Variants in STAC observed in about 807,000 individuals in gnomAD.
The protein encoded by STAC is SH3 and cysteine rich domain, also known as SH3 and cysteine-rich domain-containing protein.
A neutral mutation model predicts 48.8 loss-of-function variants in STAC; 43 were observed. That is an observed-to-expected ratio of 0.88 (90% confidence interval 0.69 to 1.14). The LOEUF is 1.14. STAC is among the 50% of genes most tolerant of loss of function. STAC has a pLI of 0.00. For synonymous variants in STAC, 193 were observed against 179.5 expected, an observed-to-expected ratio of 1.07 and a Z score of -0.60; for missense variants, 497 against 504.0, an observed-to-expected ratio of 0.99 and a Z score of 0.13.
chr3:36,515,141 T>C (rs1340578181), intron 8 of STAC, among the ~76,000 whole-genome samples: 2 of 151,984 alleles, frequency 1.3e-5, no homozygotes, highest in Non-Finnish European at 2.9e-5. Context: ...CTGGAACAGA[T>C]GGGCCTGAGC....
intron 10 of STAC, among the ~76,000 whole-genome samples, chr3:36,531,885 T>C (rs1391907532): frequency 6.6e-6 from 1 of 152,188 alleles, no homozygotes; most frequent in Admixed American, 6.5e-5. Flanking sequence ...TCATAAACCA[T>C]GAACAAATAA....
intron 1 of STAC, among the ~76,000 whole-genome samples, chr3:36,430,051 C>T (rs898000485): frequency 2.0e-5 from 3 of 152,138 alleles, no homozygotes; most frequent in African/African-American, 7.2e-5. Context: ...TAGGCCAGAA[C>T]ATTGTTCTAG....
Position 36,483,062 on chromosome 3 carries a change from C to G in STAC, c.459C>G (p.Gly153=), listed in dbSNP as rs145962483. The G allele has an allele frequency of 1.7e-4, 271 of 1,614,090 alleles. No homozygotes were observed. In the Admixed American group the frequency reaches 1.8e-3, roughly 11 times the overall value. Residue 153 remains glycine (G), a synonymous_variant, in exon 3 of 11, where the codon GGC becomes GGG. Transcript: ENST00000273183. ...KMSIHHKCTD[G]LAPQRCMGKL... ...GCATCCACCACAAGTGCACAGATGGCCTGGCACCCCAGCGGTGCATGGGCA... is the reference window on the plus strand; with the variant it reads ...GCATCCACCACAAGTGCACAGATGGGCTGGCACCCCAGCGGTGCATGGGCA...
intron 1 of STAC, among the ~76,000 whole-genome samples, chr3:36,382,094 G>T (rs1241606315): frequency 6.6e-6 from 1 of 152,120 alleles, no homozygotes; most frequent in Non-Finnish European, 1.5e-5. Context: ...CATCTCAAAT[G>T]ATCCACTCCA....
chr3:36,444,125 A>G (rs936432841), intron 2 of STAC, among the ~76,000 whole-genome samples: 1 of 152,202 alleles, frequency 6.6e-6, no homozygotes, highest in Non-Finnish European at 1.5e-5. Context: ...GGGGTAGGAT[A>G]TTCAAAATGG....
At chr3:36,500,915 ACT>A (rs543776552) in intron 6 of STAC, among the ~76,000 whole-genome samples, 289 of 151,972 alleles carry the variant, frequency 1.9e-3, no homozygotes, top group African/African-American at 6.5e-3. Flanking sequence ...ACTTAGGGAG[ACT>A]CTGTCTCTAC....
At chr3:36,518,766 A>T (rs926055846) in intron 8 of STAC, among the ~76,000 whole-genome samples, 2 of 152,228 alleles carry the variant, frequency 1.3e-5, no homozygotes, top group Admixed American at 6.5e-5. Context: ...CACTACTTTA[A>T]AAAGAGTTAA....
chr3:36,446,886 A>C (rs1696522079), intron 2 of STAC, among the ~76,000 whole-genome samples: 1 of 152,192 alleles, frequency 6.6e-6, no homozygotes. Flanking sequence ...AAGTTTCTTC[A>C]TACAGTTGCT....
intron 1 of STAC, among the ~76,000 whole-genome samples, chr3:36,436,818 T>C (rs1428490902): frequency 6.6e-6 from 1 of 152,102 alleles, no homozygotes; most frequent in Non-Finnish European, 1.5e-5. Flanking sequence ...CAAAACAAAC[T>C]ACCATCAGAG....
intron 2 of STAC, among the ~76,000 whole-genome samples, chr3:36,451,155 T>C (rs1202113410): frequency 6.6e-6 from 1 of 152,206 alleles, no homozygotes; most frequent in Non-Finnish European, 1.5e-5. Flanking sequence ...GTGTTTCACA[T>C]GTGGTTTCTG....
At chr3:36,438,678 C>T (rs1458203636) in intron 1 of STAC, among the ~76,000 whole-genome samples, 1 of 152,146 alleles carries the variant, frequency 6.6e-6, no homozygotes, top group Non-Finnish European at 1.5e-5. Flanking sequence ...AGCCACATCC[C>T]CCAGAGCAAG....
At chr3:36,493,081 C>T in intron 5 of STAC, 70 bp from the exon 6 acceptor site, 3 of 1,473,612 alleles carry the variant, frequency 2.0e-6, no homozygotes, top group Non-Finnish European at 2.8e-6. Context: ...CTCTCTTACA[C>T]CAAAGTATCT....
At chr3:36,491,509 C>T (rs1462525261) in intron 5 of STAC, among the ~76,000 whole-genome samples, 1 of 152,012 alleles carries the variant, frequency 6.6e-6, no homozygotes, top group East Asian at 1.9e-4. Context: ...TCAAAGGGAG[C>T]AGGACATGAG....
chr3:36,503,082 TTC>T (rs1244726259), intron 6 of STAC, among the ~76,000 whole-genome samples: 1 of 152,216 alleles, frequency 6.6e-6, no homozygotes, highest in African/African-American at 2.4e-5. Flanking sequence ...TTATAGAGCT[TTC>T]TGTGGTGATC....
At chr3:36,423,291 A>G (rs56282352) in intron 1 of STAC, among the ~76,000 whole-genome samples, 3,529 of 152,178 alleles carry the variant, frequency 0.023, 60 homozygotes, top group East Asian at 0.026. Flanking sequence ...TTAGAAACAT[A>G]TAATCTAACC....
chr3:36,475,348 G>T (rs1466958435), intron 2 of STAC, among the ~76,000 whole-genome samples: 1 of 151,954 alleles, frequency 6.6e-6, no homozygotes, highest in Non-Finnish European at 1.5e-5. Context: ...TTTCAATAAT[G>T]GCACTAAGGA....
intron 8 of STAC, among the ~76,000 whole-genome samples, chr3:36,521,272 A>G (rs1698798295): frequency 6.6e-6 from 1 of 152,086 alleles, no homozygotes; most frequent in Admixed American, 6.6e-5. Context: ...AGTTCTGATG[A>G]GTTTTGACAC....
intron 2 of STAC, among the ~76,000 whole-genome samples, chr3:36,459,636 G>GAACC (rs1696949931): frequency 6.6e-6 from 1 of 152,164 alleles, no homozygotes; most frequent in Admixed American, 6.5e-5. Context: ...ATGGTTTCAT[G>GAACC]ATTTGGTTTT....
At chr3:36,489,163 G>A (rs1697899369) in intron 5 of STAC, among the ~76,000 whole-genome samples, 1 of 152,068 alleles carries the variant, frequency 6.6e-6, no homozygotes, top group South Asian at 2.1e-4. Flanking sequence ...GTAATCATCT[G>A]CTTTTGTGTC....
Sources: gnomAD v4.1 joint callset for allele counts (sites outside exome capture counted in the v4.1 genomes callset) on GRCh38, gnomAD v4.1.1 for gene constraint, MANE v1.5 for transcripts, NCBI Gene and HGNC (gene_info 2026-07-23, HGNC 2026-07-21) for gene names.